The following SLC7A7 variants were observed in gnomAD, a reference collection of about 807,000 sequenced individuals.
The protein encoded by SLC7A7 is Y+L amino acid transporter 1.
SLC7A7 carries 39 observed loss-of-function variants against 47.9 expected under a neutral mutation model. The ratio of observed to expected loss-of-function variants is 0.81; its 90% CI spans 0.63 to 1.06. The LOEUF (loss-of-function observed/expected upper bound fraction) is 1.06. SLC7A7 is among the 50% of genes least tolerant of loss of function. SLC7A7 has a pLI of 0.00. For synonymous variants in SLC7A7, 234 were observed against 242.8 expected, an observed-to-expected ratio of 0.96 and a Z score of 0.34; for missense variants, 588 against 632.0, an observed-to-expected ratio of 0.93 and a Z score of 0.75.
chr14:22,792,423 C>T (rs1009302380), intron 2 of SLC7A7, among the ~76,000 whole-genome samples: 1 of 152,010 alleles, frequency 6.6e-6, no homozygotes, highest in African/African-American at 2.4e-5. Flanking sequence ...ATTAGCTGGA[C>T]TTGGTGGTGC....
chr14:22,803,028 C>T lies in SLC7A7; in HGVS notation c.499+9872G>A, dbSNP rs1003251318. On this transcript the variant is annotated intron_variant, in intron 2 of 9. Coordinates refer to ENST00000674313, the MANE Select transcript of SLC7A7 (RefSeq NM_003982.4). ...CAGATACCAGGCACTGTTCTATGTG[C>T]TGGTGATTCAGCAGTGAGTAAAACA... Among the ~76,000 whole-genome samples, 10 of 152,230 alleles carry T rather than the reference C, an allele frequency of 6.6e-5. No homozygotes were observed. In the South Asian group the frequency reaches 2.1e-3, roughly 32 times the overall value.
rs759058230 is a variant in SLC7A7 at position 22,813,470 on chromosome 14, TAG to T, written c.-42-32_-42-31del. The T allele has an allele frequency of 5.7e-6, 9 of 1,588,966 alleles. No homozygotes were observed. In the Admixed American group the frequency reaches 1.5e-4, roughly 27 times the overall value. On this transcript the variant is annotated intron_variant, in intron 1 of 9. Coordinates refer to ENST00000674313, the MANE Select transcript of SLC7A7 (RefSeq NM_003982.4). ...AAGGAAGAAAGATGATGCTATAGATTAGGTGGTTGGCAATTACATAGAACCTC... is the reference window on the plus strand; with the variant it reads ...AAGGAAGAAAGATGATGCTATAGATTGTGGTTGGCAATTACATAGAACCTC...
chr14:22,810,039 C>CAA (rs34386018), intron 2 of SLC7A7, among the ~76,000 whole-genome samples: 3,429 of 60,454 alleles, frequency 0.057, 214 homozygotes, highest in Middle Eastern at 0.068. Context: ...AACACTGTCT[C>CAA]AAAAAAAAAA....
At chr14:22,818,948 C>G (rs1055065438), upstream of SLC7A7, among the ~76,000 whole-genome samples, 1 of 152,096 alleles carries the variant, frequency 6.6e-6, no homozygotes, top group Admixed American at 6.6e-5. Context: ...TGTTGCCTTT[C>G]CCTGTCTGAG....
At position 22,775,720 on chromosome 14, in the gene SLC7A7, A is replaced by T. The variant is rs3751485; in HGVS notation, c.998+113T>A. The T allele has an allele frequency of 0.25, 239,931 of 941,688 alleles. 34,249 individuals carry two copies. The highest frequency in any genetic ancestry group is 0.46 in the Admixed American group (26,570 of 58,050). The allele number at this position is 941,688 out of a possible 1,614,324, so 58.3% of individuals were successfully genotyped here. The stretch of plus-strand genomic sequence containing the variant: ...AGGCTTCTGCTAGAAACAAGAAGAA[A>T]GAGGTTGTGGTATCGGTTGGAGAAC... On this transcript the variant is annotated intron_variant, in intron 6 of 9. Coordinates refer to ENST00000674313, the MANE Select transcript of SLC7A7 (RefSeq NM_003982.4).
intron 2 of SLC7A7, among the ~76,000 whole-genome samples, chr14:22,782,178 T>C (rs1229145235): frequency 6.6e-6 from 1 of 151,912 alleles, no homozygotes; most frequent in African/African-American, 2.4e-5. Flanking sequence ...TCTCGGCTCA[T>C]GGCAACATCT....
chr14:22,785,465 C>T (rs915151800), intron 2 of SLC7A7, among the ~76,000 whole-genome samples: 5 of 152,114 alleles, frequency 3.3e-5, no homozygotes, highest in African/African-American at 7.2e-5. Context: ...CGCTGGCTCA[C>T]GCCTGTAATC....
Position 22,774,449 on chromosome 14 carries a change from AGTT to A in SLC7A7, c.1147_1149del (p.Asn383del). 4 of 1,614,188 alleles carry A rather than the reference AGTT, an allele frequency of 2.5e-6. No homozygotes were observed. The highest frequency in any genetic ancestry group is 2.2e-5 in the East Asian group (1 of 44,890). On this transcript the variant is annotated inframe_deletion, in exon 8 of 10. Transcript: ENST00000674313. ...AAGAACCAGTAGCTGAAGCTGTAGT[AGTT>A]AATGAGCTGGAAGATGTCTTCCACG...
At chr14:22,790,924 G>C (rs1000152434) in intron 2 of SLC7A7, among the ~76,000 whole-genome samples, 34 of 151,790 alleles carry the variant, frequency 2.2e-4, no homozygotes, top group Non-Finnish European at 4.3e-4. Context: ...CTTGAGCCCA[G>C]GAGGCGGAGG....
intron 4 of SLC7A7, among the ~76,000 whole-genome samples, chr14:22,776,625 G>A (rs1279538579): frequency 3.3e-5 from 5 of 152,142 alleles, no homozygotes; most frequent in Non-Finnish European, 7.3e-5. Flanking sequence ...TCGAGTCTAG[G>A]AGTTGGAGAC....
chr14:22,801,760 C>G (rs1002914108), intron 2 of SLC7A7, among the ~76,000 whole-genome samples: 1 of 152,050 alleles, frequency 6.6e-6, no homozygotes, highest in East Asian at 1.9e-4. Flanking sequence ...GGTGACAGAG[C>G]GAGACTCCGT....
At chr14:22,794,263 AGTTAC>A (rs1469109883) in intron 2 of SLC7A7, among the ~76,000 whole-genome samples, 6 of 152,184 alleles carry the variant, frequency 3.9e-5, no homozygotes, top group Non-Finnish European at 7.3e-5. Flanking sequence ...CCCCTTGGGC[AGTTAC>A]ACCTCTGGCA....
rs1566437654 is a variant in SLC7A7 at position 22,773,230 on chromosome 14, C to T, written c.*380G>A. ...AATGAAGCCACTCAGACTTTAGGAA[C>T]ATAAACTTTTATTGTCATCCAGCAC... is the stretch of plus-strand genomic sequence containing the variant. On this transcript the variant is annotated 3_prime_UTR_variant, in exon 10 of 10. Transcript: ENST00000674313. The T allele has an allele frequency of 5.0e-6, 2 of 396,402 alleles. 1 individual carries two copies. The highest frequency in any genetic ancestry group is 6.8e-5 in the Admixed American group (2 of 29,600). The allele number at this position is 396,402 out of a possible 1,614,324, so 24.6% of individuals were successfully genotyped here.
chr14:22,799,409 C>CTGTTCCTG (rs1285703226), intron 2 of SLC7A7, among the ~76,000 whole-genome samples: 1 of 144,388 alleles, frequency 6.9e-6, no homozygotes, highest in Admixed American at 6.9e-5. Flanking sequence ...GTCATCTCAT[C>CTGTTCCTG]TGTTCCTGTG....
chr14:22,784,928 C>T (rs1364115021), intron 2 of SLC7A7, among the ~76,000 whole-genome samples: 2 of 152,180 alleles, frequency 1.3e-5, no homozygotes, highest in Non-Finnish European at 2.9e-5. Flanking sequence ...CAATGTAACA[C>T]ACAAAACTTA....
chr14:22,785,692 C>A (rs368497279), intron 2 of SLC7A7, among the ~76,000 whole-genome samples: 36 of 146,162 alleles, frequency 2.5e-4, no homozygotes, highest in South Asian at 1.5e-3. Flanking sequence ...CTCGCCATTG[C>A]ACCAGCCTAG....
chr14:22,809,753 A>G (rs550491699), intron 2 of SLC7A7, among the ~76,000 whole-genome samples: 1 of 152,122 alleles, frequency 6.6e-6, no homozygotes, highest in Non-Finnish European at 1.5e-5. Flanking sequence ...GTATTCTTAC[A>G]AGGATGTACA....
At chr14:22,788,204 T>C (rs1207435835) in intron 2 of SLC7A7, among the ~76,000 whole-genome samples, 2 of 152,202 alleles carry the variant, frequency 1.3e-5, no homozygotes, top group Non-Finnish European at 2.9e-5. Flanking sequence ...TTTATTTTTA[T>C]CTAGTCTACC....
intron 6 of SLC7A7, 123 bp downstream of exon 6, chr14:22,775,710 A>G: frequency 3.2e-6 from 3 of 940,148 alleles, no homozygotes; most frequent in Non-Finnish European, 5.3e-6. Flanking sequence ...TCTGCTAGAA[A>G]CAAGAAGAAA....
Sources: gnomAD v4.1 joint callset for allele counts (sites outside exome capture counted in the v4.1 genomes callset) on GRCh38, gnomAD v4.1.1 for gene constraint, MANE v1.5 for transcripts, NCBI Gene and HGNC (gene_info 2026-07-23, HGNC 2026-07-21) for gene names.